NIPA2: variants seen among roughly 807,000 people sequenced by gnomAD.
NIPA2 encodes the protein magnesium transporter NIPA2.
NIPA2 carries 11 observed loss-of-function variants against 29.7 expected under a neutral mutation model. The observed-to-expected ratio is 0.37, with a 90% confidence interval of 0.23 to 0.61. NIPA2 has a LOEUF of 0.61. Among genes scored for constraint, NIPA2 ranks in the 20% least tolerant of loss-of-function variants. The pLI is 0.66. For missense variants in NIPA2, 426 were observed against 437.9 expected, an observed-to-expected ratio of 0.97 and a Z score of 0.24; for synonymous variants, 183 against 161.9, an observed-to-expected ratio of 1.13 and a Z score of -0.99.
chr15:22,862,045 C>CTTT (rs1185312208), intron 7 of NIPA2, among the ~76,000 whole-genome samples: 1 of 25,966 alleles, frequency 3.9e-5, no homozygotes, highest in Non-Finnish European at 7.4e-5. Flanking sequence ...CCTGATGGGT[C>CTTT]TCTCTTTTTT....
intron 3 of NIPA2, among the ~76,000 whole-genome samples, chr15:22,848,813 A>C (rs2057478131): frequency 8.0e-6 from 1 of 125,048 alleles, no homozygotes; most frequent in Non-Finnish European, 1.6e-5. Context: ...TGACAGAGCA[A>C]GACTCTTGTC....
chr15:22,864,229 C>A lies in NIPA2; in HGVS notation c.449-1984C>A, dbSNP rs540267854. ...GGAGTGCAGTGGCGTGATCTTGGCTCACTGCAAGCTCCCCTCCCGGGTTCA... is the reference window on the plus strand; with the variant it reads ...GGAGTGCAGTGGCGTGATCTTGGCTAACTGCAAGCTCCCCTCCCGGGTTCA... On this transcript the variant is annotated intron_variant, in intron 7 of 7. Coordinates refer to ENST00000337451, the MANE Select transcript of NIPA2 (RefSeq NM_030922.7). Among the ~76,000 whole-genome samples the A allele has an allele frequency of 3.2e-4, 49 of 152,178 alleles. 2 individuals carry two copies. The South Asian group carries it at 9.3e-3, about 29-fold the overall frequency.
intron 5 of NIPA2, among the ~76,000 whole-genome samples, chr15:22,854,356 A>G (rs1438904568): frequency 6.6e-6 from 1 of 150,984 alleles, no homozygotes; most frequent in Non-Finnish European, 1.5e-5. Context: ...CGATCTCCTG[A>G]CCTTGTGATC....
intron 2 of NIPA2, among the ~76,000 whole-genome samples, chr15:22,842,230 C>CA (rs1351557359): frequency 1.3e-5 from 2 of 152,096 alleles, no homozygotes; most frequent in Non-Finnish European, 2.9e-5. Context: ...GCCACATGTT[C>CA]ACTGGGAGCC....
chr15:22,865,743 G>T (rs762013790), intron 7 of NIPA2, among the ~76,000 whole-genome samples: 2 of 152,148 alleles, frequency 1.3e-5, no homozygotes, highest in Non-Finnish European at 2.9e-5. Context: ...AAGTTCTCCA[G>T]TTGACTTGCT....
Position 22,860,670 on chromosome 15 carries a change from T to C in NIPA2, c.329T>C (p.Leu110Pro), listed in dbSNP as rs370613853. The C allele has an allele frequency of 1.9e-6, 3 of 1,597,164 alleles. No homozygotes were observed. The highest frequency in any genetic ancestry group is 2.6e-6 in the Non-Finnish European group (3 of 1,174,356). ...SSYFLNERLNLHGKIGCLLSI... is the reference protein window; with the variant it reads ...SSYFLNERLNPHGKIGCLLSI... Reference sequence around the variant, plus strand: ...TACTTTCTCAATGAAAGACTTAATCTTCATGGGAAAATTGGGTGTTTGCTA... The same window carrying C: ...TACTTTCTCAATGAAAGACTTAATCCTCATGGGAAAATTGGGTGTTTGCTA... The change falls in exon 7 of 8, where the codon CTT becomes CCT. Residue 110 changes from leucine (L) to proline (P), a missense_variant. Physicochemically the swap from Leu to Pro is moderately conservative, Grantham distance 98. Transcript: ENST00000337451.
Sources: gnomAD v4.1 joint callset for allele counts (sites outside exome capture counted in the v4.1 genomes callset) on GRCh38, gnomAD v4.1.1 for gene constraint, MANE v1.5 for transcripts, NCBI Gene and HGNC (gene_info 2026-07-23, HGNC 2026-07-21) for gene names.